FMN1: variants seen among roughly 807,000 people sequenced by gnomAD.
FMN1 encodes the protein formin 1.
In FMN1, 110 loss-of-function variants were observed where a neutral mutation model predicts 132.4. The observed-to-expected ratio is 0.83, with a 90% CI of 0.71 to 0.97. The LOEUF is 0.97. Among genes scored for constraint, FMN1 ranks in the 50% least tolerant of loss-of-function variants. The pLI is 0.00. For synonymous variants in FMN1, 722 were observed against 651.7 expected (o/e 1.11, Z -1.64); for missense variants, 1,792 against 1,705.3 (o/e 1.05, Z -0.90).
At chr15:33,091,478 C>T (rs946544556) in intron 4 of FMN1, among the ~76,000 whole-genome samples, 1 of 152,106 alleles carries the variant, frequency 6.6e-6, no homozygotes, top group Non-Finnish European at 1.5e-5. Context: ...AAGGTTTAAC[C>T]AGACAATATC....
chr15:33,012,696 A>T, intron 6 of FMN1: 1 of 794,816 alleles, frequency 1.3e-6, no homozygotes, highest in South Asian at 1.3e-5. Flanking sequence ...CCAGCCAAAG[A>T]GGACATAGTA....
chr15:33,006,025 C>A (rs563840780), intron 7 of FMN1, among the ~76,000 whole-genome samples: 2 of 152,226 alleles, frequency 1.3e-5, no homozygotes, highest in South Asian at 4.1e-4. Context: ...ATTCATACAC[C>A]ATACTACTTA....
rs1567448398 is a variant in FMN1 at position 32,949,952 on chromosome 15, T to TATATATATATATATATATACAC, written c.3138+14154_3138+14155insGTGTATATATATATATATATAT. On this transcript the variant is annotated intron_variant, in intron 9 of 20. Coordinates refer to ENST00000616417, the MANE Select transcript of FMN1 (RefSeq NM_001277313.2). Reference sequence around the variant, plus strand: ...TGAGGCCAAAAAGCATATATATATATATATATATATATACACACATATATA... The same window carrying TATATATATATATATATATACAC: ...TGAGGCCAAAAAGCATATATATATATATATATATATATATATATACACATATATATATATACACACATATATA... Among the ~76,000 whole-genome samples, 19 of 50,494 alleles carry TATATATATATATATATATACAC rather than the reference T, an allele frequency of 3.8e-4. 1 individual carries two copies. Among genetic ancestry groups the TATATATATATATATATATACAC allele is most frequent in the African/African-American group, 1.6e-3 (13 of 8,244 alleles). 33.1% of individuals were successfully genotyped at this position (50,494 alleles called of 152,430 possible). A position where few individuals can be genotyped will look rare whatever the true frequency, so the allele number is the denominator to read the frequency against.
chr15:33,031,252 A>C (rs1284572225), intron 6 of FMN1, among the ~76,000 whole-genome samples: 1 of 152,188 alleles, frequency 6.6e-6, no homozygotes, highest in Non-Finnish European at 1.5e-5. Flanking sequence ...ATAAATGTCC[A>C]TCGAGGAAGA....
intron 9 of FMN1, among the ~76,000 whole-genome samples, chr15:32,931,563 C>T (rs145350527): frequency 1.3e-5 from 2 of 152,152 alleles, no homozygotes; most frequent in Non-Finnish European, 2.9e-5. Flanking sequence ...TGTAAGTTTG[C>T]TGAATGTTTT....
chr15:33,088,668 ACT>A (rs2038792255), intron 5 of FMN1, 129 bp downstream of exon 5: 1 of 803,790 alleles, frequency 1.2e-6, no homozygotes, highest in African/African-American at 1.7e-5. Flanking sequence ...TCTGCAGCCC[ACT>A]GATTTTTTTT....
At chr15:32,849,300 T>G (rs1283984595) in intron 17 of FMN1, among the ~76,000 whole-genome samples, 2 of 151,948 alleles carry the variant, frequency 1.3e-5, no homozygotes, top group Non-Finnish European at 2.9e-5. Context: ...CAGTCTTAGG[T>G]TAATTCTTAT....
chr15:33,067,774 G>A, intron 5 of FMN1: 1 of 1,613,902 alleles, frequency 6.2e-7, no homozygotes, highest in Non-Finnish European at 8.5e-7. Flanking sequence ...ACCCAAATAG[G>A]GATTTCATAG....
At chr15:33,071,942 A>C (rs1382896579) in intron 5 of FMN1, among the ~76,000 whole-genome samples, 2 of 152,220 alleles carry the variant, frequency 1.3e-5, no homozygotes, top group Non-Finnish European at 2.9e-5. Context: ...ATAAGCACCT[A>C]TTACACAAAA....
chr15:32,969,424 T>C lies in FMN1; in HGVS notation c.2277A>G (p.Thr759=), dbSNP rs1440104690. The change falls in exon 8 of 21, where the codon ACA becomes ACG. Residue 759 remains threonine (T), a synonymous_variant. Transcript: ENST00000616417. The part of the protein sequence containing the change: ...FHIRGEHAMI[T]ARLEETIENL... ...TTTCAATGGTTTCTTCTAGTCTCGC[T>C]GTTATCATTGCATGCTCGCCCCGGA... 2 of 1,613,910 alleles carry C rather than the reference T, an allele frequency of 1.2e-6. No homozygotes were observed. The highest frequency in any genetic ancestry group is 1.3e-5 in the African/African-American group (1 of 74,924).
intron 3 of FMN1, among the ~76,000 whole-genome samples, chr15:33,169,830 C>T (rs1265414123): frequency 6.7e-6 from 1 of 148,904 alleles, no homozygotes; most frequent in Non-Finnish European, 1.5e-5. Flanking sequence ...CAGATGAGGC[C>T]ACTATTGAGC....
intron 3 of FMN1, among the ~76,000 whole-genome samples, chr15:33,171,347 TAGAAG>T (rs1447164697): frequency 2.6e-5 from 4 of 152,136 alleles, no homozygotes; most frequent in African/African-American, 9.7e-5. Flanking sequence ...TCCAAATAGC[TAGAAG>T]AGAAGATCTG....
chr15:32,883,271 G>C (rs1052483517), intron 16 of FMN1, among the ~76,000 whole-genome samples: 1 of 152,086 alleles, frequency 6.6e-6, no homozygotes, highest in South Asian at 2.1e-4. Flanking sequence ...GGGAGGCCAA[G>C]GCCGGAGGAT....
In FMN1 at chr15:32,770,726, A is replaced by G. The variant is rs939459998; in HGVS notation, c.*3584T>C. ...GGGAGGGGAGGGGAGACTGCATGCC[A>G]TCTGATATTCAATTCCTCAACCATA... On this transcript the variant is annotated 3_prime_UTR_variant, in exon 21 of 21. Coordinates refer to ENST00000616417, the MANE Select transcript of FMN1 (RefSeq NM_001277313.2). 4 of 152,204 alleles carry G rather than the reference A, an allele frequency of 2.6e-5. No homozygotes were observed. Among genetic ancestry groups the G allele is most frequent in the African/African-American group, 9.7e-5 (4 of 41,446 alleles). 9.4% of individuals were successfully genotyped at this position (152,204 alleles called of 1,614,324 possible).
At chr15:33,044,987 T>C (rs1162184383) in intron 6 of FMN1, among the ~76,000 whole-genome samples, 1 of 152,170 alleles carries the variant, frequency 6.6e-6, no homozygotes, top group Non-Finnish European at 1.5e-5. Flanking sequence ...GCTTGCCACA[T>C]TGTGGGTGAC....
At chr15:32,930,780 T>C (rs984118842) in intron 9 of FMN1, among the ~76,000 whole-genome samples, 26 of 152,108 alleles carry the variant, frequency 1.7e-4, no homozygotes, top group African/African-American at 6.3e-4. Flanking sequence ...AAAATCAATT[T>C]TAGAGGACTT....
rs1341107000 is a variant in FMN1, at chr15:32,778,182, TTA to T, written c.4131-1265_4131-1264del. ...ATTATATATTATATAATACATTTAT[TTA>T]TATATTATATAATACATTTATTTAT... is the stretch of plus-strand genomic sequence containing the variant. On this transcript the variant is annotated intron_variant, in intron 19 of 20. Transcript: ENST00000616417. 1.7e-4 allele frequency among the ~76,000 whole-genome samples: 14 copies of T among 84,448 alleles called. 2 individuals carry two copies. Among genetic ancestry groups the T allele is most frequent in the Non-Finnish European group, 3.0e-4 (14 of 46,702 alleles). 55.4% of individuals were successfully genotyped at this position (84,448 alleles called of 152,430 possible).
chr15:33,107,072 C>T (rs1417075948), intron 4 of FMN1, among the ~76,000 whole-genome samples: 4 of 152,000 alleles, frequency 2.6e-5, no homozygotes, highest in African/African-American at 9.7e-5. Context: ...CTTTGTTCTT[C>T]CCCCAGTCTT....
chr15:33,178,043 C>T (rs970402508), intron 3 of FMN1, among the ~76,000 whole-genome samples: 14 of 151,632 alleles, frequency 9.2e-5, no homozygotes, highest in African/African-American at 2.4e-4. Flanking sequence ...GAGGCGGGTA[C>T]GGGCAGGAAG....
Sources: allele counts gnomAD v4.1 joint callset (sites outside exome capture counted in the v4.1 genomes callset), GRCh38; gene constraint gnomAD v4.1.1; transcripts MANE v1.5; gene names NCBI Gene and HGNC (gene_info 2026-07-23, HGNC 2026-07-21).